TMEM79: variants seen among roughly 807,000 people sequenced by gnomAD.
TMEM79 encodes mattrin.
In TMEM79, 30 loss-of-function variants were observed where a neutral mutation model predicts 31.2. The ratio of observed to expected loss-of-function variants is 0.96; its 90% confidence interval spans 0.72 to 1.30. The LOEUF (loss-of-function observed/expected upper bound fraction) is 1.30. Ranked by LOEUF, TMEM79 falls within the 50% of genes most tolerant of loss-of-function variation. The pLI is 0.00. For missense variants in TMEM79, 509 were observed against 528.2 expected, an observed-to-expected ratio of 0.96 and a Z score of 0.36; for synonymous variants, 213 against 229.5, an observed-to-expected ratio of 0.93 and a Z score of 0.65.
chr1:156,290,939 G>A lies in TMEM79; in HGVS notation c.972-446G>A, dbSNP rs182410116. 1.0e-3 allele frequency: 165 copies of A among 163,186 alleles called. 1 individual carries two copies. Among genetic ancestry groups the A allele is most frequent in the South Asian group, 2.5e-3 (15 of 5,980 alleles). 10.1% of individuals were successfully genotyped at this position (163,186 alleles called of 1,614,324 possible). ...AATAGGGTGGGAATCGGTAAAGGGA[G>A]GAAGATATTTTACTATACTCATTGA... On this transcript the variant is annotated intron_variant, in intron 3 of 3. Transcript: ENST00000405535.
At chr1:156,287,187 T>C (rs1415858555) in intron 3 of TMEM79, among the ~76,000 whole-genome samples, 1 of 151,660 alleles carries the variant, frequency 6.6e-6, no homozygotes, top group African/African-American at 2.4e-5. Context: ...GAGGCTGAGG[T>C]GGGTGGATCA....
At chr1:156,289,721 T>A (rs1663261285) in intron 3 of TMEM79, among the ~76,000 whole-genome samples, 1 of 152,128 alleles carries the variant, frequency 6.6e-6, no homozygotes, top group Non-Finnish European at 1.5e-5. Flanking sequence ...CTTTCACAGG[T>A]AAAAAAGAAT....
chr1:156,284,686 C>T, intron 1 of TMEM79, among the ~76,000 whole-genome samples: 1 of 152,160 alleles, frequency 6.6e-6, no homozygotes, highest in Non-Finnish European at 1.5e-5. Context: ...TGGGTCAGAT[C>T]AGTTGGCAAA....
Position 156,285,661 on chromosome 1 carries a change from T to C in TMEM79, c.435T>C (p.Leu145=), listed in dbSNP as rs1346719988. ...QCIERQPQED[L]IVRCEAGEGE... ...TTGAGCGGCAGCCCCAAGAAGACCTTATCGTGCGCTGTGAGGCAGGCGAGG... is the reference window on the plus strand; with the variant it reads ...TTGAGCGGCAGCCCCAAGAAGACCTCATCGTGCGCTGTGAGGCAGGCGAGG... The change falls in exon 2 of 4, where the codon CTT becomes CTC. Residue 145 remains leucine (L), a synonymous_variant. Transcript: ENST00000405535. 1 of 1,613,928 alleles carries C rather than the reference T, an allele frequency of 6.2e-7. No individual in the cohort carries two copies. Among genetic ancestry groups the C allele is most frequent in the Non-Finnish European group, 8.5e-7 (1 of 1,179,984 alleles).
At chr1:156,289,535 C>T (rs997922175) in intron 3 of TMEM79, among the ~76,000 whole-genome samples, 2 of 152,198 alleles carry the variant, frequency 1.3e-5, no homozygotes, top group African/African-American at 4.8e-5. Flanking sequence ...TGGCGTGAAC[C>T]TGGGAGGCGG....
chr1:156,285,874 C>T lies in TMEM79; in HGVS notation c.648C>T (p.Tyr216=), dbSNP rs200148935. ...AALILFPCLL[Y]GAYAFLPFDV... ...TCATTCTCTTCCCTTGCCTACTATA[C>T]GGGGCATATGCCTTCCTGCCGTTTG... Residue 216 remains tyrosine (Y), a synonymous_variant, in exon 2 of 4, where the codon TAC becomes TAT. Coordinates refer to ENST00000405535, the MANE Select transcript of TMEM79 (RefSeq NM_032323.3). 8.7e-6 allele frequency: 14 copies of T among 1,613,898 alleles called. No individual in the cohort carries two copies. The highest frequency in any genetic ancestry group is 4.0e-5 in the African/African-American group (3 of 75,046).
At chr1:156,290,625 C>T (rs896004803) in intron 3 of TMEM79, 1 of 151,724 alleles carries the variant, frequency 6.6e-6, no homozygotes, top group African/African-American at 2.4e-5. Context: ...ATCATCAGGT[C>T]AGGAGATTGA....
At position 156,285,176 on chromosome 1, in the gene TMEM79, C is replaced by T; in HGVS notation, c.-43-8C>T. ...GTTTCTGACAGAGCTTTCCTCTGTTCCCTGCAGGATGACATGACCTTGTGG... is the reference window on the plus strand; with the variant it reads ...GTTTCTGACAGAGCTTTCCTCTGTTTCCTGCAGGATGACATGACCTTGTGG... On this transcript the variant is annotated splice_polypyrimidine_tract_variant and splice_region_variant and intron_variant, in intron 1 of 3. Transcript: ENST00000405535. 1 of 1,510,152 alleles carries T rather than the reference C, an allele frequency of 6.6e-7. No homozygotes were observed. Among genetic ancestry groups the T allele is most frequent in the Admixed American group, 2.3e-5 (1 of 43,466 alleles). The allele number at this position is 1,510,152 out of a possible 1,614,324, so 93.5% of individuals were successfully genotyped here.
At position 156,286,343 on chromosome 1, in the gene TMEM79, C is replaced by T. The variant is rs181268580; in HGVS notation, c.841C>T (p.Arg281Trp). 22 of 1,614,196 alleles carry T rather than the reference C, an allele frequency of 1.4e-5. No homozygotes were observed. Among genetic ancestry groups the T allele is most frequent in the Middle Eastern group, 1.6e-4 (1 of 6,062 alleles). Residue 281 changes from arginine to tryptophan, a missense_variant, in exon 3 of 4, where the codon CGG becomes TGG. By Grantham distance (101) the Arg-to-Trp change is moderately radical (BLOSUM62 -3). Transcript: ENST00000405535. ...GCCACGGCGGGAGGTGGAGATCCAC[C>T]GGCGATATGTGGCCCAGTCGGTCCA... The part of the protein sequence containing the change: ...GEPRREVEIH[R>W]RYVAQSVQLF...
At position 156,285,575 on chromosome 1, in the gene TMEM79, G is replaced by A. The variant is rs762518038; in HGVS notation, c.349G>A (p.Asp117Asn). 6 of 1,614,094 alleles carry A rather than the reference G, an allele frequency of 3.7e-6. No homozygotes were observed. Among genetic ancestry groups the A allele is most frequent in the Non-Finnish European group, 5.1e-6 (6 of 1,180,052 alleles). Residue 117 changes from aspartate to asparagine, a missense_variant, in exon 2 of 4, where the codon GAT (aspartate) becomes AAT (asparagine). By Grantham distance (23) the Asp-to-Asn change is conservative (BLOSUM62 1). Transcript: ENST00000405535. ...LTKLEELPED[D>N]ANLLPEKAAR... ...CAAGCTAGAGGAGCTGCCCGAAGAC[G>A]ATGCCAACCTGCTGCCTGAGAAAGC...
Position 156,285,260 on chromosome 1 carries a change from G to C in TMEM79, c.34G>C (p.Val12Leu). The change falls in exon 2 of 4, where the codon GTG becomes CTG. Residue 12 changes from valine to leucine, a missense_variant. Coordinates refer to ENST00000405535, the MANE Select transcript of TMEM79 (RefSeq NM_032323.3). ...TEQETLALLE[V>L]KRSDSPEKSS... Reference sequence around the variant, plus strand: ...ACAGGAGACCCTGGCCCTACTGGAAGTGAAGAGGTCTGATTCCCCAGAGAA... The same window carrying C: ...ACAGGAGACCCTGGCCCTACTGGAACTGAAGAGGTCTGATTCCCCAGAGAA... The C allele has an allele frequency of 6.4e-7, 1 of 1,554,362 alleles. No homozygotes were observed. Among genetic ancestry groups the C allele is most frequent in the South Asian group, 1.2e-5 (1 of 80,546 alleles).
rs1240490459 is a variant in TMEM79, at chr1:156,285,877, G to A, written c.651G>A (p.Gly217=). Residue 217 remains glycine, a synonymous_variant, in exon 2 of 4, where the codon GGG becomes GGA. Coordinates refer to ENST00000405535, the MANE Select transcript of TMEM79 (RefSeq NM_032323.3). The part of the protein sequence containing the change: ...ALILFPCLLY[G]AYAFLPFDVP... Reference sequence around the variant, plus strand: ...TTCTCTTCCCTTGCCTACTATACGGGGCATATGCCTTCCTGCCGTTTGATG... The same window carrying A: ...TTCTCTTCCCTTGCCTACTATACGGAGCATATGCCTTCCTGCCGTTTGATG... The A allele has an allele frequency of 6.2e-7, 1 of 1,613,720 alleles. No individual in the cohort carries two copies. Among genetic ancestry groups the A allele is most frequent in the African/African-American group, 1.3e-5 (1 of 74,916 alleles).
In TMEM79 at chr1:156,285,707, C is replaced by T. The variant is rs765235278; in HGVS notation, c.481C>T (p.Pro161Ser). The change falls in exon 2 of 4, where the codon CCC becomes TCC. Residue 161 changes from proline (P) to serine (S), a missense_variant. Physicochemically the swap from Pro to Ser is moderately conservative, Grantham distance 74. Coordinates refer to ENST00000405535, the MANE Select transcript of TMEM79 (RefSeq NM_032323.3). The part of the protein sequence containing the change: ...AGEGECRTFM[P>S]PRVTHPDPTE... ...CGAGGGCGAGTGCCGAACCTTCATGCCCCCCCGGGTCACCCACCCCGACCC... is the reference window on the plus strand; with the variant it reads ...CGAGGGCGAGTGCCGAACCTTCATGTCCCCCCGGGTCACCCACCCCGACCC... The T allele has an allele frequency of 1.4e-5, 22 of 1,612,788 alleles. No homozygotes were observed. The South Asian group carries it at 2.4e-4, about 18-fold the overall frequency.
At chr1:156,289,223 C>T (rs1224982029) in intron 3 of TMEM79, among the ~76,000 whole-genome samples, 1 of 152,144 alleles carries the variant, frequency 6.6e-6, no homozygotes, top group African/African-American at 2.4e-5. Flanking sequence ...ACCTGTAATC[C>T]CAGCACTTTG....
chr1:156,289,499 C>T (rs1484309957), intron 3 of TMEM79, among the ~76,000 whole-genome samples: 1 of 152,302 alleles, frequency 6.6e-6, no homozygotes, highest in Non-Finnish European at 1.5e-5. Context: ...GTAGTCCCAG[C>T]TACTCAGGAG....
chr1:156,286,062 G>C (rs1663150908), intron 2 of TMEM79, 79 bp downstream of exon 2: 1 of 1,534,928 alleles, frequency 6.5e-7, no homozygotes, highest in Non-Finnish European at 8.8e-7. Flanking sequence ...GGAGCAGGAG[G>C]ATTTCCCTTC....
chr1:156,291,224 A>C, intron 3 of TMEM79, 161 bp from the exon 4 acceptor site: 1 of 619,540 alleles, frequency 1.6e-6, no homozygotes, highest in Non-Finnish European at 2.9e-6. Context: ...CGCTGTGCCT[A>C]ATACATGTTA....
Position 156,286,288 on chromosome 1 carries a change from A to G in TMEM79, c.786A>G (p.Leu262=), listed in dbSNP as rs1260506995. ...LGILVYGLSL[L]CFSALRPFGE... ...TCCTGGTGTACGGGCTGAGCCTGTT[A>G]TGCTTTTCTGCCCTTCGGCCCTTTG... Residue 262 remains leucine, a synonymous_variant, in exon 3 of 4, where the codon TTA becomes TTG. Coordinates refer to ENST00000405535, the MANE Select transcript of TMEM79 (RefSeq NM_032323.3). 1 of 1,614,048 alleles carries G rather than the reference A, an allele frequency of 6.2e-7. No homozygotes were observed. The highest frequency in any genetic ancestry group is 8.5e-7 in the Non-Finnish European group (1 of 1,180,034).
rs146787963 is a variant in TMEM79 at position 156,286,274 on chromosome 1, G to C, written c.772G>C (p.Gly258Arg). The change falls in exon 3 of 4, where the codon GGG becomes CGG. Residue 258 changes from glycine to arginine, a missense_variant. Physicochemically the swap from Gly to Arg is moderately radical, Grantham distance 125 (BLOSUM62 -2). Transcript: ENST00000405535. Reference protein sequence around the residue: ...FPIVLGILVYGLSLLCFSALR... With the variant: ...FPIVLGILVYRLSLLCFSALR... ...ACTCCACCCAGGGATCCTGGTGTAC[G>C]GGCTGAGCCTGTTATGCTTTTCTGC... 14 of 1,614,192 alleles carry C rather than the reference G, an allele frequency of 8.7e-6. No individual in the cohort carries two copies. The highest frequency in any genetic ancestry group is 1.7e-4 in the Middle Eastern group (1 of 6,052).
Sources: allele counts gnomAD v4.1 joint callset (sites outside exome capture counted in the v4.1 genomes callset), GRCh38; gene constraint gnomAD v4.1.1; transcripts MANE v1.5; gene names NCBI Gene and HGNC (gene_info 2026-07-23, HGNC 2026-07-21).